The following CNTNAP5 variants were observed in gnomAD, a reference collection of about 807,000 sequenced individuals.
The protein encoded by CNTNAP5 is contactin associated protein family member 5, also known as contactin-associated protein-like 5.
In CNTNAP5, 72 loss-of-function variants were observed where a neutral mutation model predicts 150.2. The observed-to-expected ratio is 0.48, with a 90% CI of 0.40 to 0.58. The LOEUF is 0.58. Among genes scored for constraint, CNTNAP5 ranks in the 20% least tolerant of loss-of-function variants. CNTNAP5 has a pLI of 0.00. For synonymous variants in CNTNAP5, 672 were observed against 619.8 expected, an observed-to-expected ratio of 1.08 and a Z score of -1.25; for missense variants, 1,636 against 1,626.2, an observed-to-expected ratio of 1.01 and a Z score of -0.10.
intron 10 of CNTNAP5, among the ~76,000 whole-genome samples, chr2:124,559,829 C>G (rs574270218): frequency 6.6e-6 from 1 of 152,174 alleles, no homozygotes; most frequent in Non-Finnish European, 1.5e-5. Context: ...CAAGCGTCTT[C>G]TTTACAGATG....
intron 7 of CNTNAP5, among the ~76,000 whole-genome samples, chr2:124,485,612 C>CAAAAAAAA (rs576700912): frequency 0.012 from 603 of 52,248 alleles, 20 homozygotes; most frequent in African/African-American, 0.033. Flanking sequence ...GACTCTGTCT[C>CAAAAAAAA]AAAAAAAAAA....
At chr2:124,845,901 T>C (rs1180429695) in intron 19 of CNTNAP5, among the ~76,000 whole-genome samples, 1 of 152,118 alleles carries the variant, frequency 6.6e-6, no homozygotes, top group African/African-American at 2.4e-5. Context: ...ATCTTGCTAA[T>C]GGTCTATCAA....
intron 19 of CNTNAP5, among the ~76,000 whole-genome samples, chr2:124,831,788 T>C (rs1682721605): frequency 6.6e-6 from 1 of 151,744 alleles, no homozygotes; most frequent in Admixed American, 6.6e-5. Flanking sequence ...ACATGAAAAG[T>C]TTATTTACAA....
intron 8 of CNTNAP5, among the ~76,000 whole-genome samples, chr2:124,509,416 G>A (rs917243519): frequency 6.6e-6 from 1 of 152,008 alleles, no homozygotes; most frequent in Admixed American, 6.6e-5. Flanking sequence ...TATGAGGAAA[G>A]GTAGAAGACC....
chr2:124,429,241 T>C (rs1347096136), intron 4 of CNTNAP5, among the ~76,000 whole-genome samples: 1 of 152,176 alleles, frequency 6.6e-6, no homozygotes, highest in East Asian at 1.9e-4. Flanking sequence ...TTGAAACTCA[T>C]CCTGTTTTTT....
intron 6 of CNTNAP5, among the ~76,000 whole-genome samples, chr2:124,448,164 A>T (rs936704046): frequency 1.3e-5 from 2 of 152,006 alleles, no homozygotes; most frequent in African/African-American, 4.8e-5. Context: ...GATACTCAGG[A>T]GGCTGAGGCA....
intron 4 of CNTNAP5, among the ~76,000 whole-genome samples, chr2:124,425,516 T>G (rs1386968828): frequency 1.3e-5 from 2 of 152,162 alleles, no homozygotes; most frequent in Non-Finnish European, 2.9e-5. Flanking sequence ...TGAAACCTCA[T>G]CCCCATAGTG....
At chr2:124,689,131 A>G (rs1679251500) in intron 13 of CNTNAP5, among the ~76,000 whole-genome samples, 1 of 152,050 alleles carries the variant, frequency 6.6e-6, no homozygotes, top group African/African-American at 2.4e-5. Context: ...GCATGCCACC[A>G]CGCCCAGCTC....
intron 1 of CNTNAP5, among the ~76,000 whole-genome samples, chr2:124,142,020 A>G (rs548048889): frequency 8.1e-5 from 12 of 147,750 alleles, no homozygotes; most frequent in Admixed American, 6.8e-5. Flanking sequence ...CTTTAAACCA[A>G]CAAAGATCAA....
intron 13 of CNTNAP5, among the ~76,000 whole-genome samples, chr2:124,651,237 C>T (rs948992143): frequency 5.3e-5 from 8 of 152,144 alleles, no homozygotes; most frequent in African/African-American, 1.4e-4. Context: ...GGTGAGTAGA[C>T]GTTATGAAAA....
intron 3 of CNTNAP5, among the ~76,000 whole-genome samples, chr2:124,340,003 G>A (rs1279547502): frequency 6.6e-6 from 1 of 152,110 alleles, no homozygotes; most frequent in Non-Finnish European, 1.5e-5. Context: ...CATTGGGAAG[G>A]TCACAAATCT....
At chr2:124,900,717 G>T (rs1678399131) in intron 21 of CNTNAP5, among the ~76,000 whole-genome samples, 1 of 151,608 alleles carries the variant, frequency 6.6e-6, no homozygotes, top group African/African-American at 2.4e-5. Flanking sequence ...AGCTGGCAAT[G>T]TTGACTTAGA....
At chr2:124,731,360 T>C (rs1230294931) in intron 13 of CNTNAP5, among the ~76,000 whole-genome samples, 1 of 152,128 alleles carries the variant, frequency 6.6e-6, no homozygotes, top group Non-Finnish European at 1.5e-5. Flanking sequence ...TTCTTTTTTT[T>C]TTCTTTTACC....
At chr2:124,126,914 A>C (rs1235617153) in intron 1 of CNTNAP5, among the ~76,000 whole-genome samples, 2 of 152,206 alleles carry the variant, frequency 1.3e-5, no homozygotes. Context: ...GTATCTCAAA[A>C]TAATAAGAGC....
chr2:124,244,469 T>C (rs764979479), intron 3 of CNTNAP5, among the ~76,000 whole-genome samples: 1 of 151,960 alleles, frequency 6.6e-6, no homozygotes, highest in Admixed American at 6.6e-5. Flanking sequence ...GTAGGGCAGG[T>C]AGAAGTTGCT....
At position 124,557,231 on chromosome 2, in the gene CNTNAP5, C is replaced by T. The variant is rs140684038; in HGVS notation, c.1650-5986C>T. 3.5e-3 allele frequency among the ~76,000 whole-genome samples: 537 copies of T among 152,132 alleles called. 1 individual carries two copies. Among genetic ancestry groups the T allele is most frequent in the Middle Eastern group, 0.01 (3 of 294 alleles). ...AATTTATGGTCTCTATCTTACTTCT[C>T]CACTCAGAGAAACCTGAGTTTCTCT... On this transcript the variant is annotated intron_variant, in intron 10 of 23. Transcript: ENST00000682447.
chr2:124,591,211 T>C (rs894586014), intron 11 of CNTNAP5, among the ~76,000 whole-genome samples: 3 of 152,208 alleles, frequency 2.0e-5, no homozygotes, highest in African/African-American at 7.2e-5. Flanking sequence ...ATCTTGTTAC[T>C]GATAATGTTT....
intron 3 of CNTNAP5, among the ~76,000 whole-genome samples, chr2:124,322,768 G>C (rs1689129009): frequency 6.6e-6 from 1 of 152,108 alleles, no homozygotes; most frequent in Non-Finnish European, 1.5e-5. Context: ...CAGGTCCTCA[G>C]GTGATGAAAC....
chr2:124,840,705 AG>A (rs1431580618), intron 19 of CNTNAP5, among the ~76,000 whole-genome samples: 3 of 152,130 alleles, frequency 2.0e-5, no homozygotes, highest in African/African-American at 7.2e-5. Flanking sequence ...TTGTGAAAAC[AG>A]ACCAAAGTTA....
Sources: gnomAD v4.1 joint callset for allele counts (sites outside exome capture counted in the v4.1 genomes callset) on GRCh38, gnomAD v4.1.1 for gene constraint, MANE v1.5 for transcripts, NCBI Gene and HGNC (gene_info 2026-07-23, HGNC 2026-07-21) for gene names.